The following CCNG1 variants were observed in gnomAD, a reference collection of about 807,000 sequenced individuals.
CCNG1 encodes the protein cyclin-G1.
CCNG1 carries 13 observed loss-of-function variants against 30.0 expected under a neutral mutation model. The observed-to-expected ratio is 0.43, with a 90% CI of 0.28 to 0.69. The LOEUF is 0.69. Among genes scored for constraint, CCNG1 ranks in the 30% least tolerant of loss-of-function variants. The probability of loss-of-function intolerance (pLI) is 0.16; values close to 1 mark genes in which losing one functional copy is unlikely to be tolerated. For missense variants in CCNG1, 285 were observed against 331.4 expected (o/e 0.86, Z 1.09); for synonymous variants, 110 against 121.5 (o/e 0.91, Z 0.62).
At chr5:163,439,130 T>A (rs894659852) in intron 1 of CCNG1, 127 bp from the exon 2 acceptor site, 25 of 783,174 alleles carry the variant, frequency 3.2e-5, no homozygotes, top group Non-Finnish European at 5.2e-5. Flanking sequence ...TGCAATGACT[T>A]AGATGCACTA....
chr5:163,450,695 A>T (rs1295777092), downstream of CCNG1: 1 of 152,236 alleles, frequency 6.6e-6, no homozygotes, highest in African/African-American at 2.4e-5. Flanking sequence ...GAGAAAATGG[A>T]ACCTGCATAC....
the CCNG1 span, chr5:163,451,452 C>CT: frequency 2.0e-5 from 3 of 152,110 alleles, no homozygotes; most frequent in African/African-American, 4.8e-5. Flanking sequence ...CTTCAATACT[C>CT]TGACTGTGGA....
intron 3 of CCNG1, chr5:163,441,556 C>A: frequency 1.9e-6 from 1 of 514,462 alleles, no homozygotes; most frequent in South Asian, 3.4e-5. Flanking sequence ...TTTATAGAAC[C>A]TAGTAGGAAA....
intron 2 of CCNG1, among the ~76,000 whole-genome samples, chr5:163,440,405 CTACAT>C (rs1419745274): frequency 6.6e-6 from 1 of 152,082 alleles, no homozygotes; most frequent in African/African-American, 2.4e-5. Flanking sequence ...AGAAAAATAA[CTACAT>C]TATGCCTTTA....
chr5:163,452,167 T>C, the CCNG1 span: 1 of 152,118 alleles, frequency 6.6e-6, no homozygotes, highest in Admixed American at 6.5e-5. Flanking sequence ...GGGATCAGAA[T>C]TTATATGTGA....
chr5:163,451,579 G>C, the CCNG1 span: 1 of 152,142 alleles, frequency 6.6e-6, no homozygotes, highest in Non-Finnish European at 1.5e-5. Flanking sequence ...AAGAAAAATA[G>C]CCTCTTCCCC....
At chr5:163,445,525 C>G (rs1758019401), downstream of CCNG1, among the ~76,000 whole-genome samples, 1 of 152,046 alleles carries the variant, frequency 6.6e-6, no homozygotes, top group Non-Finnish European at 1.5e-5. Context: ...GCGATCTTGG[C>G]TCATTGCAGC....
intron 2 of CCNG1, 80 bp from the exon 3 acceptor site, chr5:163,440,998 G>A (rs767773258): frequency 6.9e-5 from 97 of 1,411,704 alleles, no homozygotes; most frequent in Non-Finnish European, 8.2e-5. Context: ...ATGTTGGGTC[G>A]GAGTTCTAGA....
At chr5:163,454,511 T>C in the CCNG1 span, among the ~76,000 whole-genome samples, 1 of 152,118 alleles carries the variant, frequency 6.6e-6, no homozygotes, top group South Asian at 2.1e-4. Context: ...CTGGCTAATT[T>C]TGTATTTTTA....
At chr5:163,455,380 G>A in the CCNG1 span, among the ~76,000 whole-genome samples, 1 of 152,210 alleles carries the variant, frequency 6.6e-6, no homozygotes, top group Non-Finnish European at 1.5e-5. Context: ...GAGGTAATCA[G>A]GGAGATGATG....
At chr5:163,453,697 T>A in the CCNG1 span, 263 of 238,704 alleles carry the variant, frequency 1.1e-3, no homozygotes, top group African/African-American at 5.6e-3. Flanking sequence ...AAAAATATGG[T>A]TAAATATGGA....
At chr5:163,452,443 A>C in the CCNG1 span, 1 of 152,224 alleles carries the variant, frequency 6.6e-6, no homozygotes, top group Admixed American at 6.5e-5. Context: ...GGCCACCCAG[A>C]ATGGACTTCT....
intron 6 of CCNG1, 44 bp downstream of exon 6, chr5:163,442,612 C>A: frequency 7.0e-7 from 1 of 1,431,292 alleles, no homozygotes; most frequent in Non-Finnish European, 9.6e-7. Flanking sequence ...GAACATTTTC[C>A]AATGCCATAA....
chr5:163,456,884 T>C, the CCNG1 span: 1 of 1,209,074 alleles, frequency 8.3e-7, no homozygotes, highest in South Asian at 2.2e-5. Flanking sequence ...TTTGATGATT[T>C]TTATATATTT....
intron 5 of CCNG1, 92 bp from the exon 6 acceptor site, chr5:163,442,282 G>A (rs1757855290): frequency 8.7e-7 from 1 of 1,148,150 alleles, no homozygotes; most frequent in Admixed American, 2.3e-5. Flanking sequence ...AATGAGCAAA[G>A]ACACATGTTC....
the CCNG1 span, among the ~76,000 whole-genome samples, chr5:163,455,044 G>C: frequency 6.6e-6 from 1 of 151,408 alleles, no homozygotes; most frequent in Non-Finnish European, 1.5e-5. Context: ...GAGCATATAC[G>C]TATCCTAGAA....
At chr5:163,441,486 A>C (rs1300593119) in intron 3 of CCNG1, among the ~76,000 whole-genome samples, 155 bp downstream of exon 3, 4 of 152,200 alleles carry the variant, frequency 2.6e-5, no homozygotes, top group African/African-American at 9.6e-5. Context: ...TAAGTGAGAA[A>C]ATGTTCCATT....
At chr5:163,455,842 CATT>C in the CCNG1 span, among the ~76,000 whole-genome samples, 3 of 151,796 alleles carry the variant, frequency 2.0e-5, no homozygotes, top group East Asian at 1.9e-4. Context: ...TCAGGCAAGA[CATT>C]AGAGGTGGTC....
the CCNG1 span, among the ~76,000 whole-genome samples, chr5:163,456,103 A>G: frequency 6.6e-6 from 1 of 152,168 alleles, no homozygotes; most frequent in Non-Finnish European, 1.5e-5. Context: ...AGCTTAATAT[A>G]CATTAGATAG....
Sources: allele counts gnomAD v4.1 joint callset (sites outside exome capture counted in the v4.1 genomes callset), GRCh38; gene constraint gnomAD v4.1.1; transcripts MANE v1.5; gene names NCBI Gene and HGNC (gene_info 2026-07-23, HGNC 2026-07-21).